PIGB: variants seen among roughly 807,000 people sequenced by gnomAD.
PIGB encodes GPI alpha-1,2-mannosyltransferase 3.
PIGB carries 58 observed loss-of-function variants against 68.4 expected under a neutral mutation model. That is an observed-to-expected ratio of 0.85 (90% confidence interval 0.69 to 1.06). The LOEUF is 1.06. Among genes scored for constraint, PIGB ranks in the 50% least tolerant of loss-of-function variants. The probability of loss-of-function intolerance (pLI) is 0.00; values close to 1 mark genes in which losing one functional copy is unlikely to be tolerated. For missense variants in PIGB, 634 were observed against 655.8 expected (o/e 0.97, Z 0.36); for synonymous variants, 219 against 220.5 (o/e 0.99, Z 0.06).
At chr15:55,342,688 C>T (rs1248316741) in intron 9 of PIGB, among the ~76,000 whole-genome samples, 4 of 152,218 alleles carry the variant, frequency 2.6e-5, no homozygotes, top group Non-Finnish European at 5.9e-5. Context: ...CCACCGCGCC[C>T]AGCCTGGCAT....
At position 55,355,644 on chromosome 15, in the gene PIGB, C is replaced by T. The variant is rs2056063856; in HGVS notation, c.*212C>T. 2 of 377,052 alleles carry T rather than the reference C, an allele frequency of 5.3e-6. No homozygotes were observed. 23.4% of individuals were successfully genotyped at this position (377,052 alleles called of 1,614,324 possible). A position where few individuals can be genotyped will look rare whatever the true frequency, so the allele number is the denominator to read the frequency against. ...ATTTTAAATAAAGACCTTTAGTTTT[C>T]CTCATGGTGTAGTTTTATTGTTTCT... is the stretch of plus-strand genomic sequence containing the variant. On this transcript the variant is annotated 3_prime_UTR_variant, in exon 12 of 12. Transcript: ENST00000164305.
chr15:55,353,126 C>G (rs929124601), intron 10 of PIGB, among the ~76,000 whole-genome samples: 3 of 152,190 alleles, frequency 2.0e-5, no homozygotes, highest in African/African-American at 4.8e-5. Flanking sequence ...GTTCTTTATA[C>G]TTAACTGTAG....
chr15:55,354,375 GAA>G (rs2056018658), intron 10 of PIGB, among the ~76,000 whole-genome samples: 1 of 151,846 alleles, frequency 6.6e-6, no homozygotes, highest in Admixed American at 6.6e-5. Flanking sequence ...AGGGAAGAGA[GAA>G]AGAATCCTTT....
Position 55,319,387 on chromosome 15 carries a change from A to C in PIGB, c.137A>C (p.Gln46Pro). The C allele has an allele frequency of 6.4e-7, 1 of 1,552,902 alleles. No homozygotes were observed. Among genetic ancestry groups the C allele is most frequent in the Non-Finnish European group, 8.7e-7 (1 of 1,147,566 alleles). ...KRKSTLYFNT[Q>P]EKSARRRGDL... ...AAGTCTACCTTGTACTTCAACACCCAGGAGAAGAGCGCCAGGCGCCGCGGG... is the reference window on the plus strand; with the variant it reads ...AAGTCTACCTTGTACTTCAACACCCCGGAGAAGAGCGCCAGGCGCCGCGGG... The change falls in exon 1 of 12, where the codon CAG (glutamine) becomes CCG (proline). Residue 46 changes from glutamine to proline, a missense_variant. Physicochemically the swap from Gln to Pro is moderately conservative, Grantham distance 76. Coordinates refer to ENST00000164305, the MANE Select transcript of PIGB (RefSeq NM_004855.5).
intron 9 of PIGB, among the ~76,000 whole-genome samples, chr15:55,347,510 ATT>A (rs2055821893): frequency 6.6e-6 from 1 of 152,196 alleles, no homozygotes; most frequent in African/African-American, 2.4e-5. Context: ...AACCTGAAAT[ATT>A]TTTTTCTTAG....
At chr15:55,344,039 C>T (rs557195488) in intron 9 of PIGB, among the ~76,000 whole-genome samples, 1 of 152,300 alleles carries the variant, frequency 6.6e-6, no homozygotes, top group South Asian at 2.1e-4. Flanking sequence ...TGAGTTATAC[C>T]ACAAATTTCA....
In PIGB at chr15:55,329,726, T is replaced by C; in HGVS notation, c.525T>C (p.Phe175=). The C allele has an allele frequency of 6.2e-7, 1 of 1,607,494 alleles. No homozygotes were observed. Among genetic ancestry groups the C allele is most frequent in the Non-Finnish European group, 8.5e-7 (1 of 1,177,754 alleles). ...LENQEVARWV[F]FCQLCSWFTW... ...GTTTGCTCTGTACTTTTTCTTAGTTTTTTTGCCAGTTGTGCTCCTGGTTCA... is the reference window on the plus strand; with the variant it reads ...GTTTGCTCTGTACTTTTTCTTAGTTCTTTTGCCAGTTGTGCTCCTGGTTCA... The change falls in exon 5 of 12, where the codon TTT becomes TTC. Residue 175 remains phenylalanine (F), a splice_region_variant and synonymous_variant. Transcript: ENST00000164305.
At chr15:55,355,179 A>G in intron 11 of PIGB, 107 bp from the exon 12 acceptor site, 1 of 988,306 alleles carries the variant, frequency 1.0e-6, no homozygotes, top group Non-Finnish European at 1.5e-6. Context: ...TTCTTTTATT[A>G]AGCAAAAAGT....
rs112394151 is a variant in PIGB at position 55,327,653 on chromosome 15, T to C, written c.522+18T>C. ...GATGGGTGGTAAGTCCTAAATACTT[T>C]AGAAGCTGTATGCCAGTTATTTCGT... On this transcript the variant is annotated intron_variant, in intron 4 of 11. Transcript: ENST00000164305. The C allele has an allele frequency of 5.6e-5, 80 of 1,432,898 alleles. 1 individual carries two copies. In the African/African-American group the frequency reaches 9.1e-4, roughly 16 times the overall value. 88.8% of individuals were successfully genotyped at this position (1,432,898 alleles called of 1,614,324 possible).
chr15:55,340,133 CAGTTA>C, intron 7 of PIGB: 1 of 151,884 alleles, frequency 6.6e-6, no homozygotes, highest in African/African-American at 2.4e-5. Context: ...GAAAAAATAA[CAGTTA>C]AGAAGGATTT....
intron 5 of PIGB, among the ~76,000 whole-genome samples, chr15:55,331,632 G>T (rs1422865701): frequency 2.0e-5 from 3 of 152,002 alleles, no homozygotes; most frequent in Non-Finnish European, 2.9e-5. Context: ...AGAATCACTT[G>T]AACCCAGGAG....
chr15:55,355,057 A>C (rs1278125819), intron 11 of PIGB, 79 bp downstream of exon 11: 22 of 1,197,036 alleles, frequency 1.8e-5, no homozygotes, highest in Middle Eastern at 2.0e-4. Flanking sequence ...TAAATAGATA[A>C]TATAACCTTT....
chr15:55,324,033 G>A (rs537138730), intron 3 of PIGB, among the ~76,000 whole-genome samples: 74,555 of 151,946 alleles, frequency 0.49, 21,542 homozygotes, highest in African/African-American at 0.79. Context: ...GATTACAGGT[G>A]TCTGCCACCA....
intron 4 of PIGB, 32 bp downstream of exon 4, chr15:55,327,667 C>CA: frequency 7.7e-7 from 1 of 1,291,182 alleles, no homozygotes; most frequent in Non-Finnish European, 1.1e-6. Context: ...AGCTGTATGC[C>CA]AGTTATTTCG....
intron 9 of PIGB, among the ~76,000 whole-genome samples, chr15:55,347,989 T>C (rs913856482): frequency 4.1e-5 from 4 of 98,556 alleles, no homozygotes; most frequent in African/African-American, 1.1e-4. Flanking sequence ...GTTTCTTTTT[T>C]TTTTTTTTTT....
In PIGB at chr15:55,319,840, G is replaced by A. The variant is rs574153261; in HGVS notation, c.163+427G>A. 37 of 179,998 alleles carry A rather than the reference G, an allele frequency of 2.1e-4. 1 individual carries two copies. The South Asian group carries it at 4.3e-3, about 21-fold the overall frequency. The allele number at this position is 179,998 out of a possible 1,614,324, so 11.2% of individuals were successfully genotyped here. On this transcript the variant is annotated intron_variant, in intron 1 of 11. Transcript: ENST00000164305. ...AGATGCATGTGAAGAAATTAACACA[G>A]TGCCTGGCATATATAATAGTAATCA... is the stretch of plus-strand genomic sequence containing the variant.
At chr15:55,324,065 T>C (rs964496023) in intron 3 of PIGB, among the ~76,000 whole-genome samples, 1 of 152,164 alleles carries the variant, frequency 6.6e-6, no homozygotes, top group African/African-American at 2.4e-5. Context: ...TTTTTGTATT[T>C]TTAGTAGAGA....
chr15:55,322,672 G>C (rs544914553), intron 3 of PIGB, among the ~76,000 whole-genome samples: 2 of 152,252 alleles, frequency 1.3e-5, no homozygotes, highest in Admixed American at 6.5e-5. Context: ...TCTCCCCATT[G>C]CAATATTTGC....
At chr15:55,328,863 G>A (rs1343708338) in intron 4 of PIGB, among the ~76,000 whole-genome samples, 3 of 152,160 alleles carry the variant, frequency 2.0e-5, no homozygotes, top group Admixed American at 6.5e-5. Context: ...CTACTCGGGA[G>A]GCTAAGGCAG....
Sources: gnomAD v4.1 joint callset for allele counts (sites outside exome capture counted in the v4.1 genomes callset) on GRCh38, gnomAD v4.1.1 for gene constraint, MANE v1.5 for transcripts, NCBI Gene and HGNC (gene_info 2026-07-23, HGNC 2026-07-21) for gene names.